Variants in MAP2K3 observed in about 807,000 individuals in gnomAD.
The protein encoded by MAP2K3 is mitogen-activated protein kinase kinase 3.
In MAP2K3, 30 loss-of-function variants were observed where a neutral mutation model predicts 46.4. The ratio of observed to expected loss-of-function variants is 0.65; its 90% CI spans 0.48 to 0.88. The LOEUF is 0.88. MAP2K3 is among the 40% of genes least tolerant of loss of function. The pLI is 0.00. For missense variants in MAP2K3, 380 were observed against 464.5 expected (o/e 0.82, Z 1.67); for synonymous variants, 189 against 176.3 (o/e 1.07, Z -0.57).
rs1157586388 is a variant in MAP2K3 at position 21,298,396 on chromosome 17, CCTT to C, written c.50-14_50-12del. The C allele has an allele frequency of 1.2e-5, 20 of 1,614,116 alleles. No individual in the cohort carries two copies. Among genetic ancestry groups the C allele is most frequent in the African/African-American group, 4.0e-5 (3 of 74,962 alleles). On this transcript the variant is annotated splice_polypyrimidine_tract_variant and intron_variant, in intron 1 of 11. Coordinates refer to ENST00000342679, the MANE Select transcript of MAP2K3 (RefSeq NM_145109.3). ...GTCAAGGGATAGGCCAGACGCCTCACCTTCTCTCCATTCTAGGAAAATCCAAGA... is the reference window on the plus strand; with the variant it reads ...GTCAAGGGATAGGCCAGACGCCTCACCTCTCCATTCTAGGAAAATCCAAGA...
intron 2 of MAP2K3, 138 bp from the exon 3 acceptor site, chr17:21,298,740 A>AGGAGGTGGCCGGAGAAGGC: frequency 7.0e-6 from 9 of 1,281,232 alleles, no homozygotes; most frequent in Non-Finnish European, 8.9e-6. Context: ...AGCCAGTGAG[A>AGGAGGTGGCCGGAGAAGGC]GGAGGTGGCC....
chr17:21,297,286 G>A lies in MAP2K3; in HGVS notation c.50-1127G>A, dbSNP rs1032925153. ...AGAGACTGGGGTCTTCTTGGCAGGC[G>A]GCAGCAGGGCCATGGGCAGTTTCTA... On this transcript the variant is annotated intron_variant, in intron 1 of 11. Coordinates refer to ENST00000342679, the MANE Select transcript of MAP2K3 (RefSeq NM_145109.3). Among the ~76,000 whole-genome samples, 81 of 152,402 alleles carry A rather than the reference G, an allele frequency of 5.3e-4. No individual in the cohort carries two copies. The East Asian group carries it at 0.013, about 24-fold the overall frequency.
chr17:21,294,574 T>C (rs1976133388), intron 1 of MAP2K3, among the ~76,000 whole-genome samples: 1 of 152,310 alleles, frequency 6.6e-6, no homozygotes, highest in African/African-American at 2.4e-5. Context: ...CCTGCCTTTA[T>C]GGCCACTCCT....
At chr17:21,294,894 T>C (rs1038163240) in intron 1 of MAP2K3, among the ~76,000 whole-genome samples, 1 of 152,306 alleles carries the variant, frequency 6.6e-6, no homozygotes, top group East Asian at 1.9e-4. Flanking sequence ...AGGGGCAGAG[T>C]TGCAGTTGAG....
intron 1 of MAP2K3, among the ~76,000 whole-genome samples, chr17:21,285,508 C>G (rs1975698737): frequency 1.3e-5 from 2 of 152,168 alleles, no homozygotes; most frequent in Non-Finnish European, 2.9e-5. Flanking sequence ...TACACCCCAG[C>G]TCGGAACTCC....
In MAP2K3 at chr17:21,295,890, G is replaced by T. The variant is rs1229255858; in HGVS notation, c.50-2523G>T. On this transcript the variant is annotated intron_variant, in intron 1 of 11. Coordinates refer to ENST00000342679, the MANE Select transcript of MAP2K3 (RefSeq NM_145109.3). ...CCAAGAGCAGAGAGAGTGCAGGGAG[G>T]GTGTGGCGTGGACCCCACAGGGAAA... 7.1e-6 allele frequency: 9 copies of T among 1,275,792 alleles called. No individual in the cohort carries two copies. In the African/African-American group the frequency reaches 1.2e-4, roughly 17 times the overall value. 79.0% of individuals were successfully genotyped at this position (1,275,792 alleles called of 1,614,324 possible). A position where few individuals can be genotyped will look rare whatever the true frequency, so the allele number is the denominator to read the frequency against.
rs538777379 is a variant in MAP2K3 at position 21,312,123 on chromosome 17, C to A, written c.775-19C>A. 14 of 1,510,632 alleles carry A rather than the reference C, an allele frequency of 9.3e-6. No individual in the cohort carries two copies. In the South Asian group the frequency reaches 1.3e-4, roughly 14 times the overall value. The allele number at this position is 1,510,632 out of a possible 1,614,324, so 93.6% of individuals were successfully genotyped here. On this transcript the variant is annotated intron_variant, in intron 9 of 11. Transcript: ENST00000342679. The stretch of plus-strand genomic sequence containing the variant: ...TTGTATCTGGGGCCGGGGCCTCTGA[C>A]CCCCTGTCCCCGCTGCAGATTGAGA...
chr17:21,291,215 G>C (rs929730210), intron 1 of MAP2K3, among the ~76,000 whole-genome samples: 1 of 152,276 alleles, frequency 6.6e-6, no homozygotes. Flanking sequence ...CTGCACTCCA[G>C]CCTGGGCAAT....
In MAP2K3 at chr17:21,300,877, A is replaced by G; in HGVS notation, c.283A>G (p.Ile95Val). The change falls in exon 5 of 12, where the codon ATC becomes GTC. Residue 95 changes from isoleucine (I) to valine (V), a missense_variant. Physicochemically the swap from Ile to Val is conservative, Grantham distance 29. This residue lies in a region of MAP2K3 where 294 missense variants were observed against 275.4 expected (regional missense o/e 1.07). Coordinates refer to ENST00000342679, the MANE Select transcript of MAP2K3 (RefSeq NM_145109.3). ...QSGTIMAVKR[I>V]RATVNSQEQK... is the part of the protein sequence containing the mutation. ...GAATGGCAGTCCTTCCCTGCAGCGGATCCGGGCCACCGTGAACTCACAGGA... is the reference window on the plus strand; with the variant it reads ...GAATGGCAGTCCTTCCCTGCAGCGGGTCCGGGCCACCGTGAACTCACAGGA... 1 of 1,614,146 alleles carries G rather than the reference A, an allele frequency of 6.2e-7. No individual in the cohort carries two copies. Among genetic ancestry groups the G allele is most frequent in the Non-Finnish European group, 8.5e-7 (1 of 1,180,044 alleles).
intron 9 of MAP2K3, among the ~76,000 whole-genome samples, chr17:21,307,861 T>C (rs1976973392): frequency 6.6e-6 from 1 of 151,388 alleles, no homozygotes; most frequent in East Asian, 1.9e-4. Context: ...TTTTTTTTTT[T>C]TTTTTTTTTT....
intron 1 of MAP2K3, 152 bp downstream of exon 1, chr17:21,285,121 A>C: frequency 1.5e-6 from 2 of 1,311,278 alleles, no homozygotes; most frequent in Middle Eastern, 2.2e-4. Flanking sequence ...GGGTCCCGGG[A>C]CCAGCCCCCG....
At position 21,312,243 on chromosome 17, in the gene MAP2K3, C is replaced by T; in HGVS notation, c.876C>T (p.Asp292=). ...VEEPSPQLPA[D]RFSPEFVDFT... Reference sequence around the variant, plus strand: ...AGCCGTCCCCCCAGCTCCCAGCCGACCGTTTCTCCCCCGAGTTTGTGGACT... The same window carrying T: ...AGCCGTCCCCCCAGCTCCCAGCCGATCGTTTCTCCCCCGAGTTTGTGGACT... Residue 292 remains aspartate (D), a synonymous_variant, in exon 10 of 12, where the codon GAC becomes GAT. Coordinates refer to ENST00000342679, the MANE Select transcript of MAP2K3 (RefSeq NM_145109.3). 2 of 1,601,972 alleles carry T rather than the reference C, an allele frequency of 1.2e-6. No individual in the cohort carries two copies. The highest frequency in any genetic ancestry group is 1.7e-4 in the Middle Eastern group (1 of 6,030).
intron 5 of MAP2K3, 32 bp from the exon 6 acceptor site, chr17:21,302,111 C>A (rs200380159): frequency 1.9e-6 from 3 of 1,611,372 alleles, no homozygotes; most frequent in East Asian, 2.2e-5. Flanking sequence ...GGCAGCCCGG[C>A]AGCCTGGCTG....
At chr17:21,301,709 G>T (rs957079318) in intron 5 of MAP2K3, among the ~76,000 whole-genome samples, 2 of 152,308 alleles carry the variant, frequency 1.3e-5, no homozygotes, top group African/African-American at 2.4e-5. Flanking sequence ...TGTCAGGAGG[G>T]TCCTCAGGAG....
intron 9 of MAP2K3, among the ~76,000 whole-genome samples, chr17:21,308,087 C>T (rs1976987063): frequency 6.7e-6 from 1 of 150,372 alleles, no homozygotes; most frequent in South Asian, 2.1e-4. Flanking sequence ...AACTCCTGAC[C>T]TCAGGTGATC....
At chr17:21,288,803 C>T (rs1023569687) in intron 1 of MAP2K3, among the ~76,000 whole-genome samples, 4 of 152,208 alleles carry the variant, frequency 2.6e-5, no homozygotes, top group South Asian at 4.1e-4. Context: ...AGAACCCAGC[C>T]GAGGCATGCC....
At chr17:21,311,934 G>T in intron 9 of MAP2K3, 2 of 492,672 alleles carry the variant, frequency 4.1e-6, no homozygotes, top group South Asian at 3.4e-5. Context: ...CCTGAGCTGG[G>T]TCCTGCTGGC....
chr17:21,295,586 A>T, intron 1 of MAP2K3: 2 of 1,276,188 alleles, frequency 1.6e-6, no homozygotes. Context: ...GGCTGTCTCC[A>T]TGACGGCCTC....
intron 9 of MAP2K3, among the ~76,000 whole-genome samples, chr17:21,308,219 T>G (rs113454801): frequency 0.19 from 27,519 of 147,806 alleles, 5 homozygotes; most frequent in South Asian, 0.25. Flanking sequence ...ACAATCTCAG[T>G]TCACTGCAAC....
Sources: gnomAD v4.1 joint callset for allele counts (sites outside exome capture counted in the v4.1 genomes callset) on GRCh38, gnomAD v4.1.1 for gene constraint, gnomAD v4.1.1 regional missense constraint, MANE v1.5 for transcripts, NCBI Gene and HGNC (gene_info 2026-07-23, HGNC 2026-07-21) for gene names.